The following SLIT3 variants were observed in gnomAD, a reference collection of about 807,000 sequenced individuals.
SLIT3 encodes slit guidance ligand 3.
A neutral mutation model predicts 184.0 loss-of-function variants in SLIT3; 68 were observed. The ratio of observed to expected loss-of-function variants is 0.37; its 90% CI spans 0.30 to 0.45. SLIT3 has a LOEUF of 0.45. Among genes scored for constraint, SLIT3 ranks in the 20% least tolerant of loss-of-function variants. The probability of loss-of-function intolerance (pLI) is 1.00; values close to 1 mark genes in which losing one functional copy is unlikely to be tolerated. For missense variants in SLIT3, 1,707 were observed against 2,026.0 expected (o/e 0.84, Z 3.02); for synonymous variants, 831 against 828.6 (o/e 1.00, Z -0.05).
At chr5:169,170,627 C>A (rs1414322802) in intron 4 of SLIT3, among the ~76,000 whole-genome samples, 1 of 152,188 alleles carries the variant, frequency 6.6e-6, no homozygotes, top group Non-Finnish European at 1.5e-5. Flanking sequence ...TTAGAGGACA[C>A]CAAACCCTGT....
chr5:169,020,793 G>T (rs1756568446), intron 4 of SLIT3, among the ~76,000 whole-genome samples: 1 of 152,166 alleles, frequency 6.6e-6, no homozygotes, highest in Non-Finnish European at 1.5e-5. Flanking sequence ...GAGGACAGTG[G>T]TCGCGGAAAC....
Position 169,133,057 on chromosome 5 carries a change from C to T in SLIT3, c.413+60422G>A, listed in dbSNP as rs986544594. Among the ~76,000 whole-genome samples the T allele has an allele frequency of 2.6e-5, 4 of 152,302 alleles. No homozygotes were observed. In the East Asian group the frequency reaches 5.8e-4, roughly 22 times the overall value. On this transcript the variant is annotated intron_variant, in intron 4 of 35. Coordinates refer to ENST00000519560, the MANE Select transcript of SLIT3 (RefSeq NM_003062.4). ...CAACTGTTTCCTGTGTGTGGGGAGG[C>T]GGTTACAGGTGCATTAGCTGTGATG... is the stretch of plus-strand genomic sequence containing the variant.
Position 169,187,111 on chromosome 5 carries a change from G to GTTTTTTTTTTTTTTTTT in SLIT3, c.413+6351_413+6367dup, listed in dbSNP as rs761501769. Among the ~76,000 whole-genome samples the GTTTTTTTTTTTTTTTTT allele has an allele frequency of 6.4e-5, 6 of 94,418 alleles. 1 individual carries two copies. Among genetic ancestry groups the GTTTTTTTTTTTTTTTTT allele is most frequent in the African/African-American group, 1.2e-4 (3 of 24,034 alleles). The allele number at this position is 94,418 out of a possible 152,430, so 61.9% of individuals were successfully genotyped here. On this transcript the variant is annotated intron_variant, in intron 4 of 35. Transcript: ENST00000519560. Reference sequence around the variant, plus strand: ...AGTACAACTGCTTATGCAGCTATAGGTTTTTTTTTTTTTTTTTTTTTGAGA... The same window carrying GTTTTTTTTTTTTTTTTT: ...AGTACAACTGCTTATGCAGCTATAGGTTTTTTTTTTTTTTTTTTTTTTTTTTTTTTTTTTTTTTGAGA...
At chr5:168,889,648 A>T (rs1372836142) in intron 4 of SLIT3, among the ~76,000 whole-genome samples, 2 of 152,192 alleles carry the variant, frequency 1.3e-5, no homozygotes, top group African/African-American at 4.8e-5. Flanking sequence ...ATACTGATGG[A>T]TTAAGTGTCA....
At chr5:169,198,369 G>A (rs1763805965) in intron 3 of SLIT3, among the ~76,000 whole-genome samples, 1 of 152,208 alleles carries the variant, frequency 6.6e-6, no homozygotes, top group South Asian at 2.1e-4. Context: ...TTAGGAGACA[G>A]AGGTGGAGAC....
chr5:169,269,351 T>C (rs1481596202), intron 1 of SLIT3, among the ~76,000 whole-genome samples: 2 of 152,236 alleles, frequency 1.3e-5, no homozygotes, highest in Non-Finnish European at 2.9e-5. Flanking sequence ...GGCCAGGTGC[T>C]TAGCACTGGG....
chr5:169,189,001 G>T (rs1205734214), intron 4 of SLIT3, among the ~76,000 whole-genome samples: 4 of 152,160 alleles, frequency 2.6e-5, no homozygotes, highest in African/African-American at 9.7e-5. Flanking sequence ...CGTCAGGATG[G>T]CAGGGGACAA....
chr5:168,798,436 C>A (rs1756653000), intron 9 of SLIT3, among the ~76,000 whole-genome samples: 1 of 151,944 alleles, frequency 6.6e-6, no homozygotes, highest in Admixed American at 6.6e-5. Flanking sequence ...ACTATGTTGG[C>A]CAGGCTTATC....
Position 169,109,298 on chromosome 5 carries a change from T to C in SLIT3, c.413+84181A>G, listed in dbSNP as rs185788709. Among the ~76,000 whole-genome samples the C allele has an allele frequency of 3.7e-3, 570 of 152,272 alleles. 14 individuals are homozygous for C. The highest frequency in any genetic ancestry group is 1.4e-3 in the Non-Finnish European group (93 of 68,022). On this transcript the variant is annotated intron_variant, in intron 4 of 35. Coordinates refer to ENST00000519560, the MANE Select transcript of SLIT3 (RefSeq NM_003062.4). ...GGAACAGCAGGCTACTGCTAGGACA[T>C]GAGGATGGTTTCTCACCAACAGCCA... is the stretch of plus-strand genomic sequence containing the variant.
At chr5:168,952,550 AGGGGAG>A (rs1762689937) in intron 4 of SLIT3, among the ~76,000 whole-genome samples, 1 of 128,002 alleles carries the variant, frequency 7.8e-6, no homozygotes. Context: ...AAAAAAAAAG[AGGGGAG>A]AAGGCAAAGG....
At chr5:169,104,894 C>T (rs1243271893) in intron 4 of SLIT3, among the ~76,000 whole-genome samples, 3 of 152,156 alleles carry the variant, frequency 2.0e-5, no homozygotes, top group Non-Finnish European at 2.9e-5. Context: ...TCTGCCCTTC[C>T]AATTGTTTCC....
At chr5:169,297,366 A>G (rs1308608281) in intron 1 of SLIT3, among the ~76,000 whole-genome samples, 1 of 152,188 alleles carries the variant, frequency 6.6e-6, no homozygotes, top group African/African-American at 2.4e-5. Context: ...GCCCCATTCC[A>G]GGCCTGAAGC....
chr5:168,997,464 C>T (rs1471968994), intron 4 of SLIT3, among the ~76,000 whole-genome samples: 1 of 152,080 alleles, frequency 6.6e-6, no homozygotes, highest in Non-Finnish European at 1.5e-5. Flanking sequence ...AGGGTCTTCT[C>T]CAAAACTAGA....
chr5:168,801,865 G>A (rs1756777214), intron 9 of SLIT3, among the ~76,000 whole-genome samples: 1 of 152,118 alleles, frequency 6.6e-6, no homozygotes, highest in South Asian at 2.1e-4. Flanking sequence ...TGGTATTCGG[G>A]GACACCAGCA....
intron 4 of SLIT3, among the ~76,000 whole-genome samples, chr5:168,896,943 G>A (rs1367972576): frequency 6.6e-6 from 1 of 152,176 alleles, no homozygotes; most frequent in Non-Finnish European, 1.5e-5. Context: ...GTCTGGGTGA[G>A]CTTCAAAGGG....
intron 4 of SLIT3, among the ~76,000 whole-genome samples, chr5:169,004,897 C>A (rs1273277448): frequency 6.6e-6 from 1 of 152,166 alleles, no homozygotes; most frequent in African/African-American, 2.4e-5. Flanking sequence ...GACCTTGAAC[C>A]TCCTAGTCTC....
Position 168,879,413 on chromosome 5 carries a change from A to G in SLIT3, c.485+3852T>C, listed in dbSNP as rs544651553. Among the ~76,000 whole-genome samples the G allele has an allele frequency of 2.6e-5, 4 of 152,328 alleles. 1 individual carries two copies. In the South Asian group the frequency reaches 8.3e-4, roughly 32 times the overall value. ...CTGGTAGGAGGAGGAGTGTTTCCTTAGCAGGTTTTATAGAAATTTAATTTG... is the reference window on the plus strand; with the variant it reads ...CTGGTAGGAGGAGGAGTGTTTCCTTGGCAGGTTTTATAGAAATTTAATTTG... On this transcript the variant is annotated intron_variant, in intron 5 of 35. Coordinates refer to ENST00000519560, the MANE Select transcript of SLIT3 (RefSeq NM_003062.4).
intron 1 of SLIT3, among the ~76,000 whole-genome samples, chr5:169,263,942 A>G (rs571787063): frequency 2.4e-4 from 35 of 146,238 alleles, no homozygotes; most frequent in African/African-American, 7.8e-4. Context: ...AAAAATGTAC[A>G]CTAGGTTTCT....
chr5:169,227,460 C>T (rs1275969781), intron 3 of SLIT3, among the ~76,000 whole-genome samples: 1 of 152,168 alleles, frequency 6.6e-6, no homozygotes, highest in African/African-American at 2.4e-5. Context: ...GAAAGTCTCA[C>T]TCTGTCACCC....
Sources: allele counts gnomAD v4.1 joint callset (sites outside exome capture counted in the v4.1 genomes callset), GRCh38; gene constraint gnomAD v4.1.1; transcripts MANE v1.5; gene names NCBI Gene and HGNC (gene_info 2026-07-23, HGNC 2026-07-21).